The following LHFPL3 variants were observed in gnomAD, a reference collection of about 807,000 sequenced individuals.
LHFPL3 encodes LHFPL tetraspan subfamily member 3 protein.
LHFPL3 carries 5 observed loss-of-function variants against 19.3 expected under a neutral mutation model. That is an observed-to-expected ratio of 0.26 (90% confidence interval 0.14 to 0.54). The LOEUF (loss-of-function observed/expected upper bound fraction) is 0.54. LHFPL3 is among the 20% of genes least tolerant of loss of function. The pLI is 0.94. For synonymous variants in LHFPL3, 133 were observed against 126.2 expected, an observed-to-expected ratio of 1.05 and a Z score of -0.36; for missense variants, 249 against 307.4, an observed-to-expected ratio of 0.81 and a Z score of 1.42.
chr7:104,342,998 T>TC (rs1789986810), intron 1 of LHFPL3, among the ~76,000 whole-genome samples: 1 of 146,914 alleles, frequency 6.8e-6, no homozygotes, highest in Admixed American at 6.7e-5. Context: ...AGAATTGACT[T>TC]TTTTTTTTTT....
intron 1 of LHFPL3, among the ~76,000 whole-genome samples, chr7:104,497,910 G>C (rs185816620): frequency 3.9e-5 from 6 of 152,300 alleles, no homozygotes; most frequent in African/African-American, 1.2e-4. Flanking sequence ...ACTGATGCAA[G>C]TGACTTGTGA....
chr7:104,749,389 A>C (rs1794115029), intron 2 of LHFPL3, among the ~76,000 whole-genome samples: 1 of 152,288 alleles, frequency 6.6e-6, no homozygotes, highest in African/African-American at 2.4e-5. Flanking sequence ...GACCTACAAA[A>C]GTCTGACAAA....
At chr7:104,603,401 G>C (rs13438368) in intron 1 of LHFPL3, among the ~76,000 whole-genome samples, 28,253 of 151,762 alleles carry the variant, frequency 0.19, 2,828 homozygotes, top group East Asian at 0.37. Flanking sequence ...GGGTCTCACT[G>C]TGTTGCTCAG....
intron 2 of LHFPL3, among the ~76,000 whole-genome samples, chr7:104,764,164 T>G (rs1794418535): frequency 6.6e-6 from 1 of 152,114 alleles, no homozygotes; most frequent in Non-Finnish European, 1.5e-5. Context: ...GTCCTTTTTT[T>G]GTTTGTTTTG....
chr7:104,715,460 G>A (rs542386496), intron 1 of LHFPL3, among the ~76,000 whole-genome samples: 28 of 152,262 alleles, frequency 1.8e-4, no homozygotes, highest in Non-Finnish European at 4.1e-4. Context: ...TAACAAGAGT[G>A]GTCATCCTTG....
chr7:104,450,204 A>G (rs555691919), intron 1 of LHFPL3, among the ~76,000 whole-genome samples: 1 of 152,334 alleles, frequency 6.6e-6, no homozygotes, highest in South Asian at 2.1e-4. Context: ...GGGAGTGGAC[A>G]GGAGGGAAAA....
intron 1 of LHFPL3, among the ~76,000 whole-genome samples, chr7:104,676,632 A>C (rs1792598443): frequency 6.6e-6 from 1 of 152,270 alleles, no homozygotes; most frequent in Admixed American, 6.5e-5. Context: ...CATCTTAGAA[A>C]TAGCACTGGT....
At position 104,401,570 on chromosome 7, in the gene LHFPL3, T is replaced by C. The variant is rs115772808; in HGVS notation, c.445+72346T>C. Reference sequence around the variant, plus strand: ...AGAATTTGAAAGACTAAAGCAGAAATCCTAAACTCAAATAAATTTTATTTA... The same window carrying C: ...AGAATTTGAAAGACTAAAGCAGAAACCCTAAACTCAAATAAATTTTATTTA... On this transcript the variant is annotated intron_variant, in intron 1 of 2. Coordinates refer to ENST00000424859, the MANE Select transcript of LHFPL3 (RefSeq NM_199000.3). 5.6e-3 allele frequency among the ~76,000 whole-genome samples: 855 copies of C among 152,156 alleles called. 2 individuals carry two copies. Among genetic ancestry groups the C allele is most frequent in the African/African-American group, 0.02 (817 of 41,522 alleles).
At chr7:104,761,070 G>A (rs768650016) in intron 2 of LHFPL3, among the ~76,000 whole-genome samples, 6 of 152,084 alleles carry the variant, frequency 3.9e-5, no homozygotes, top group Admixed American at 1.3e-4. Flanking sequence ...ATCTTCATTA[G>A]AAGCTCCATC....
chr7:104,519,761 C>G (rs990759332), intron 1 of LHFPL3, among the ~76,000 whole-genome samples: 1 of 151,930 alleles, frequency 6.6e-6, no homozygotes, highest in South Asian at 2.1e-4. Context: ...ATAATTGATG[C>G]AGGGAAACAA....
intron 2 of LHFPL3, among the ~76,000 whole-genome samples, chr7:104,739,831 A>G (rs1456768373): frequency 6.6e-6 from 1 of 152,258 alleles, no homozygotes; most frequent in African/African-American, 2.4e-5. Flanking sequence ...CAAAGTATTC[A>G]TACATTCTGA....
At chr7:104,564,560 A>C (rs1309579310) in intron 1 of LHFPL3, among the ~76,000 whole-genome samples, 1 of 152,198 alleles carries the variant, frequency 6.6e-6, no homozygotes, top group African/African-American at 2.4e-5. Context: ...AATAAAAGTT[A>C]AGTTTTTACA....
At chr7:104,376,235 A>G (rs1399634912) in intron 1 of LHFPL3, among the ~76,000 whole-genome samples, 2 of 152,144 alleles carry the variant, frequency 1.3e-5, no homozygotes, top group African/African-American at 4.8e-5. Flanking sequence ...TTTTTGTGCC[A>G]GGTTCTGTCC....
chr7:104,468,841 AG>A (rs1292756567), intron 1 of LHFPL3, among the ~76,000 whole-genome samples: 1 of 151,858 alleles, frequency 6.6e-6, no homozygotes, highest in East Asian at 1.9e-4. Flanking sequence ...TTGTATTTTT[AG>A]TAGAGACAGG....
intron 1 of LHFPL3, among the ~76,000 whole-genome samples, chr7:104,489,078 C>CTTT (rs10706776): frequency 1.4e-4 from 6 of 41,674 alleles, no homozygotes; most frequent in African/African-American, 2.2e-4. Flanking sequence ...GTGCTGAAAT[C>CTTT]TTTTTTTTTT....
chr7:104,650,414 A>G (rs760429790), intron 1 of LHFPL3, among the ~76,000 whole-genome samples: 59 of 152,214 alleles, frequency 3.9e-4, no homozygotes, highest in Non-Finnish European at 7.5e-4. Flanking sequence ...ATTGTTCCTC[A>G]CTGCTTCCCC....
chr7:104,862,950 ATGT>A (rs1177340706), intron 2 of LHFPL3, among the ~76,000 whole-genome samples: 9 of 152,280 alleles, frequency 5.9e-5, no homozygotes, highest in Admixed American at 2.0e-4. Context: ...GTGTAGAAAG[ATGT>A]TGTATAACTG....
At chr7:104,371,914 C>T (rs1374211060) in intron 1 of LHFPL3, among the ~76,000 whole-genome samples, 2 of 152,192 alleles carry the variant, frequency 1.3e-5, no homozygotes, top group Admixed American at 1.3e-4. Flanking sequence ...ACACCAAAGT[C>T]TGGAGCAGAA....
chr7:104,550,970 G>A (rs1286713451), intron 1 of LHFPL3, among the ~76,000 whole-genome samples: 2 of 152,032 alleles, frequency 1.3e-5, no homozygotes, highest in African/African-American at 4.8e-5. Flanking sequence ...AAATTTTCCA[G>A]AGCTCTCCTT....
Sources: gnomAD v4.1 joint callset for allele counts (sites outside exome capture counted in the v4.1 genomes callset) on GRCh38, gnomAD v4.1.1 for gene constraint, MANE v1.5 for transcripts, NCBI Gene and HGNC (gene_info 2026-07-23, HGNC 2026-07-21) for gene names.